HSF5: variants seen among roughly 807,000 people sequenced by gnomAD.
HSF5 encodes heat shock factor protein 5.
A neutral mutation model predicts 50.8 loss-of-function variants in HSF5; 5 were observed. The ratio of observed to expected loss-of-function variants is 0.10; its 90% confidence interval spans 0.05 to 0.21. The LOEUF (loss-of-function observed/expected upper bound fraction) is 0.21. Ranked by LOEUF, HSF5 falls within the 10% of genes least tolerant of loss-of-function variation. The pLI is 1.00. For missense variants in HSF5, 564 were observed against 762.6 expected (o/e 0.74, Z 3.07); for synonymous variants, 307 against 307.4 (o/e 1.00, Z 0.02).
At chr17:58,422,510 T>C in intron 5 of HSF5, 80 bp from the exon 6 acceptor site, 2 of 1,083,002 alleles carry the variant, frequency 1.8e-6, no homozygotes, top group Non-Finnish European at 2.8e-6. Context: ...GCAGAACAAG[T>C]TGTCTATGTC....
intron 4 of HSF5, among the ~76,000 whole-genome samples, chr17:58,461,201 G>A (rs1974789388): frequency 7.1e-6 from 1 of 141,450 alleles, no homozygotes. Context: ...GCAACAGAGC[G>A]AGATTCCATC....
chr17:58,474,332 G>C (rs1384303930), intron 2 of HSF5, among the ~76,000 whole-genome samples: 2 of 151,848 alleles, frequency 1.3e-5, no homozygotes, highest in Admixed American at 6.6e-5. Context: ...AAGTAGTTTT[G>C]CCCACATTAT....
Position 58,488,131 on chromosome 17 carries a change from G to C in HSF5, c.144C>G (p.Ala48=), listed in dbSNP as rs562939335. The stretch of plus-strand genomic sequence containing the variant: ...CCGGCCCGGGCGGGCTGAGCAGCTC[G>C]GCCTCGAAGAGCGGCTGATCGATAA... ...GLLIDQPLFE[A]ELLSPPGPGG... The change falls in exon 1 of 6, where the codon GCC becomes GCG. Residue 48 remains alanine (A), a synonymous_variant. Transcript: ENST00000323777. The surrounding 1 kb of genome is among the most constrained non-coding windows in gnomAD (Gnocchi z 4.1). 7.0e-6 allele frequency: 11 copies of C among 1,560,742 alleles called. No homozygotes were observed. Among genetic ancestry groups the C allele is most frequent in the African/African-American group, 2.8e-5 (2 of 70,984 alleles).
intron 5 of HSF5, among the ~76,000 whole-genome samples, chr17:58,424,033 T>C (rs574851808): frequency 1.3e-5 from 2 of 152,326 alleles, no homozygotes; most frequent in South Asian, 2.1e-4. Context: ...TGTCATATTT[T>C]GTAAAAGACA....
At chr17:58,462,343 G>T (rs1326266459) in intron 4 of HSF5, among the ~76,000 whole-genome samples, 1 of 152,144 alleles carries the variant, frequency 6.6e-6, no homozygotes, top group African/African-American at 2.4e-5. Context: ...AGTTAGAAAA[G>T]ACTTCCAACC....
intron 5 of HSF5, among the ~76,000 whole-genome samples, chr17:58,446,061 C>T (rs1974557405): frequency 6.7e-6 from 1 of 149,876 alleles, no homozygotes; most frequent in Admixed American, 6.7e-5. Context: ...CGCTTGAACC[C>T]AGGAGGCAGA....
chr17:58,487,989 C>G lies in HSF5; in HGVS notation c.286G>C (p.Gly96Arg). The change falls in exon 1 of 6, where the codon GGG (glycine) becomes CGG (arginine). Residue 96 changes from glycine to arginine, a missense_variant. Around this residue, in one of 5 missense-constraint regions of HSF5, gnomAD observed 29 missense variants for 24.7 expected, o/e 1.18. Coordinates refer to ENST00000323777, the MANE Select transcript of HSF5 (RefSeq NM_001080439.3). ...LYGFRKVVLG[G>R]PGGGKPAGNG... ...CCTGCCGGTTTGCCGCCCCCCGGCC[C>G]GCCCAGCACCACCTTGCGGAAGCCG... 2.5e-6 allele frequency: 4 copies of G among 1,610,624 alleles called. No homozygotes were observed. The highest frequency in any genetic ancestry group is 3.4e-6 in the Non-Finnish European group (4 of 1,179,218).
chr17:58,434,853 A>G (rs894229256), intron 5 of HSF5, among the ~76,000 whole-genome samples: 1 of 152,206 alleles, frequency 6.6e-6, no homozygotes, highest in Non-Finnish European at 1.5e-5. Context: ...ACTCTGCCTT[A>G]GGGGGAAAGC....
chr17:58,472,023 T>G (rs752770655), intron 2 of HSF5, among the ~76,000 whole-genome samples: 40 of 151,886 alleles, frequency 2.6e-4, no homozygotes, highest in Non-Finnish European at 5.4e-4. Flanking sequence ...CTGGCTAATT[T>G]TTTTTGGATT....
chr17:58,473,768 G>T (rs1310648427), intron 2 of HSF5, among the ~76,000 whole-genome samples: 1 of 152,130 alleles, frequency 6.6e-6, no homozygotes, highest in African/African-American at 2.4e-5. Flanking sequence ...TTCAATGTTT[G>T]ACTTTACTAA....
chr17:58,465,655 G>A (rs1974855925), intron 3 of HSF5, among the ~76,000 whole-genome samples: 1 of 150,976 alleles, frequency 6.6e-6, no homozygotes, highest in South Asian at 2.1e-4. Context: ...GTTCTTTTGA[G>A]TACCCTAATG....
At chr17:58,487,468 T>C (rs1975201241) in intron 1 of HSF5, among the ~76,000 whole-genome samples, 1 of 152,132 alleles carries the variant, frequency 6.6e-6, no homozygotes, top group Admixed American at 6.5e-5. Flanking sequence ...GAGGTCCCTT[T>C]TGCTGCCAGT....
At chr17:58,468,758 C>T (rs1305991518) in intron 2 of HSF5, among the ~76,000 whole-genome samples, 1 of 151,938 alleles carries the variant, frequency 6.6e-6, no homozygotes, top group East Asian at 1.9e-4. Flanking sequence ...ATTTTGCACA[C>T]AGAAAGAAAA....
chr17:58,459,376 G>T (rs757231919), intron 4 of HSF5, among the ~76,000 whole-genome samples: 3 of 151,892 alleles, frequency 2.0e-5, no homozygotes, highest in African/African-American at 7.3e-5. Context: ...GGCCGGGCGC[G>T]GTAGCTCACA....
At chr17:58,446,921 T>G (rs953017763) in intron 5 of HSF5, among the ~76,000 whole-genome samples, 1 of 152,102 alleles carries the variant, frequency 6.6e-6, no homozygotes, top group Admixed American at 6.5e-5. Context: ...GGTCAGGAGT[T>G]GGAGACTAGC....
intron 5 of HSF5, among the ~76,000 whole-genome samples, chr17:58,431,185 G>A (rs904946343): frequency 2.6e-5 from 4 of 152,188 alleles, no homozygotes; most frequent in African/African-American, 7.2e-5. Context: ...TCCCAGACAC[G>A]TGGAACTGTA....
chr17:58,461,864 C>T (rs539697018), intron 4 of HSF5, among the ~76,000 whole-genome samples: 1 of 151,378 alleles, frequency 6.6e-6, no homozygotes, highest in Non-Finnish European at 1.5e-5. Context: ...AGAGAGACTC[C>T]ACCTCAAAAA....
At chr17:58,454,857 C>T (rs932564588) in intron 5 of HSF5, among the ~76,000 whole-genome samples, 1 of 152,128 alleles carries the variant, frequency 6.6e-6, no homozygotes, top group Non-Finnish European at 1.5e-5. Context: ...AAGGATATCG[C>T]ATGTGCATGG....
intron 5 of HSF5, among the ~76,000 whole-genome samples, chr17:58,447,086 C>T (rs1174305443): frequency 1.3e-5 from 2 of 152,136 alleles, no homozygotes; most frequent in African/African-American, 4.8e-5. Context: ...GACTGTGCCA[C>T]TGCACTCTAG....
Sources: allele counts gnomAD v4.1 joint callset (sites outside exome capture counted in the v4.1 genomes callset), GRCh38; gene constraint gnomAD v4.1.1; regional missense constraint gnomAD v4.1.1; non-coding constraint Gnocchi (gnomAD v3.1); transcripts MANE v1.5; gene names NCBI Gene and HGNC (gene_info 2026-07-23, HGNC 2026-07-21).